Variants in CEP170 observed in about 807,000 individuals in gnomAD.
CEP170 encodes the protein centrosomal protein of 170 kDa.
CEP170 carries 21 observed loss-of-function variants against 151.9 expected under a neutral mutation model. That is an observed-to-expected ratio of 0.14 (90% CI 0.10 to 0.20). The LOEUF (loss-of-function observed/expected upper bound fraction) is 0.20, where lower values mean the gene tolerates loss of function less well. Among genes scored for constraint, CEP170 ranks in the 10% least tolerant of loss-of-function variants. The probability of loss-of-function intolerance (pLI) is 1.00; values close to 1 mark genes in which losing one functional copy is unlikely to be tolerated. For missense variants in CEP170, 964 were observed against 1,892.9 expected, an observed-to-expected ratio of 0.51 and a Z score of 9.11; for synonymous variants, 356 against 648.8, an observed-to-expected ratio of 0.55 and a Z score of 6.86.
intron 1 of CEP170, among the ~76,000 whole-genome samples, chr1:243,227,869 G>A (rs2149037559): frequency 6.6e-6 from 1 of 152,300 alleles, no homozygotes; most frequent in Non-Finnish European, 1.5e-5. Context: ...TAGAGAATGG[G>A]GCTTGGTCAT....
chr1:243,179,134 T>C (rs888869584), intron 10 of CEP170, among the ~76,000 whole-genome samples: 1 of 152,222 alleles, frequency 6.6e-6, no homozygotes, highest in Non-Finnish European at 1.5e-5. Flanking sequence ...CTTACATCCA[T>C]AATCTCTTCC....
rs765093944 is a variant in CEP170 at position 243,129,372 on chromosome 1, T to C, written c.4401A>G (p.Lys1467=). 2 of 1,591,888 alleles carry C rather than the reference T, an allele frequency of 1.3e-6. No individual in the cohort carries two copies. Among genetic ancestry groups the C allele is most frequent in the Non-Finnish European group, 1.7e-6 (2 of 1,168,528 alleles). The part of the protein sequence containing the change: ...LRAESEVPIV[K]TSSMEISSIL... ...AAAATTACTATACCATGCTTGAGGT[T>C]TTCACAATAGGGACTTCACTTTCGG... The change falls in exon 18 of 20, where the codon AAA becomes AAG. Residue 1467 remains lysine (K), a synonymous_variant. Coordinates refer to ENST00000366542, the MANE Select transcript of CEP170 (RefSeq NM_014812.3).
intron 3 of CEP170, among the ~76,000 whole-genome samples, chr1:243,215,939 G>A: frequency 6.6e-6 from 1 of 151,828 alleles, no homozygotes; most frequent in East Asian, 1.9e-4. Flanking sequence ...CAGACCAGCT[G>A]ACACTTAGGG....
At chr1:243,224,414 G>T (rs946451226) in intron 2 of CEP170, among the ~76,000 whole-genome samples, 3 of 151,384 alleles carry the variant, frequency 2.0e-5, no homozygotes, top group African/African-American at 7.3e-5. Context: ...AATTGTCTTG[G>T]GTCACACATA....
chr1:243,129,130 C>A (rs924522051), intron 18 of CEP170, among the ~76,000 whole-genome samples: 6 of 152,176 alleles, frequency 3.9e-5, no homozygotes, highest in Non-Finnish European at 7.3e-5. Flanking sequence ...ATTACAAGAA[C>A]AATCTATACT....
chr1:243,126,506 T>C lies in CEP170; in HGVS notation c.4698A>G (p.Ile1566Met). ...ENAESEADFSIHFNRFNPDGE... is the reference protein window; with the variant it reads ...ENAESEADFSMHFNRFNPDGE... The stretch of plus-strand genomic sequence containing the variant: ...CATCGGGGTTGAATCTATTGAAATG[T>C]ATACTGAAATCAGCCTCAGATTCAG... Residue 1566 changes from isoleucine (I) to methionine (M), a missense_variant, in exon 20 of 20, where the codon ATA becomes ATG. Transcript: ENST00000366542. 6.2e-7 allele frequency: 1 copy of C among 1,608,586 alleles called. No individual in the cohort carries two copies. Among genetic ancestry groups the C allele is most frequent in the Non-Finnish European group, 8.5e-7 (1 of 1,177,048 alleles).
At chr1:243,172,964 T>G in intron 10 of CEP170, 118 bp from the exon 11 acceptor site, 1 of 1,203,642 alleles carries the variant, frequency 8.3e-7, no homozygotes, top group Non-Finnish European at 1.1e-6. Flanking sequence ...TTTTAATAGT[T>G]AATTTCAAAA....
chr1:243,211,766 C>T (rs1331102917), intron 4 of CEP170, 120 bp downstream of exon 4: 2 of 1,142,098 alleles, frequency 1.8e-6, no homozygotes, highest in South Asian at 1.4e-5. Flanking sequence ...TAGGAATGCA[C>T]CCAATAAATA....
In CEP170 at chr1:243,157,202, C is replaced by G. The variant is rs564523607; in HGVS notation, c.3677-747G>C. Among the ~76,000 whole-genome samples the G allele has an allele frequency of 9.2e-5, 14 of 152,264 alleles. No individual in the cohort carries two copies. The East Asian group carries it at 2.7e-3, about 29-fold the overall frequency. ...GTCACAACCATTGACACTGAAGGCA[C>G]AGGAGATACTGTGAAGAGTCACATT... is the stretch of plus-strand genomic sequence containing the variant. On this transcript the variant is annotated intron_variant, in intron 13 of 19. Coordinates refer to ENST00000366542, the MANE Select transcript of CEP170 (RefSeq NM_014812.3).
chr1:243,228,683 G>A (rs1485635812), intron 1 of CEP170, among the ~76,000 whole-genome samples: 1 of 152,088 alleles, frequency 6.6e-6, no homozygotes, highest in Non-Finnish European at 1.5e-5. Flanking sequence ...CCTACATACA[G>A]TAAACTAAAA....
intron 1 of CEP170, among the ~76,000 whole-genome samples, chr1:243,232,807 T>C (rs1444014115): frequency 6.6e-6 from 1 of 152,176 alleles, no homozygotes; most frequent in Non-Finnish European, 1.5e-5. Flanking sequence ...ACTCCAGACA[T>C]GGATGGTGAC....
intron 3 of CEP170, among the ~76,000 whole-genome samples, chr1:243,217,800 T>C (rs534114171): frequency 6.6e-6 from 1 of 152,274 alleles, no homozygotes; most frequent in South Asian, 2.1e-4. Flanking sequence ...ACACACCAGG[T>C]AGAGACCTGG....
chr1:243,217,626 A>G (rs1441341555), intron 3 of CEP170, among the ~76,000 whole-genome samples: 1 of 152,246 alleles, frequency 6.6e-6, no homozygotes, highest in Non-Finnish European at 1.5e-5. Context: ...AAAAAATGCA[A>G]GTGAAAACAT....
intron 1 of CEP170, among the ~76,000 whole-genome samples, chr1:243,246,697 C>T (rs1424532719): frequency 6.6e-6 from 1 of 152,106 alleles, no homozygotes; most frequent in Non-Finnish European, 1.5e-5. Flanking sequence ...GAATACATAA[C>T]AGGGTTACTG....
intron 3 of CEP170, among the ~76,000 whole-genome samples, chr1:243,212,673 A>G (rs1161389771): frequency 2.6e-5 from 3 of 117,568 alleles, no homozygotes; most frequent in Non-Finnish European, 5.3e-5. Flanking sequence ...CACATTTACT[A>G]TTATATTTTC....
In CEP170 at chr1:243,126,616, G is replaced by C. The variant is rs757957831; in HGVS notation, c.4588C>G (p.Pro1530Ala). Reference protein sequence around the residue: ...KSSPVNNHHSPGQTPTLGQPE... With the variant: ...KSSPVNNHHSAGQTPTLGQPE... ...TGGCCAAGTGTTGGTGTCTGACCCG[G>C]GCTGTGGTGGTTATTCACAGGGCTG... Residue 1530 changes from proline (P) to alanine (A), a missense_variant, in exon 20 of 20, where the codon CCG becomes GCG. Physicochemically the swap from Pro to Ala is conservative, Grantham distance 27. Transcript: ENST00000366542. 29 of 1,571,430 alleles carry C rather than the reference G, an allele frequency of 1.8e-5. No homozygotes were observed. Among genetic ancestry groups the C allele is most frequent in the Middle Eastern group, 3.3e-4 (2 of 6,028 alleles).
chr1:243,168,806 T>C (rs559286740), intron 12 of CEP170, among the ~76,000 whole-genome samples: 1 of 151,968 alleles, frequency 6.6e-6, no homozygotes, highest in East Asian at 1.9e-4. Flanking sequence ...TCATTTTGTT[T>C]AAAAAGCCTT....
chr1:243,186,445 C>A (rs557190965), intron 8 of CEP170, 23 bp from the exon 9 acceptor site: 2 of 1,565,438 alleles, frequency 1.3e-6, no homozygotes, highest in Admixed American at 2.1e-5. Flanking sequence ...AGAAAACACA[C>A]AATAGAGAAG....
intron 10 of CEP170, among the ~76,000 whole-genome samples, chr1:243,179,613 A>G (rs2789097): frequency 0.86 from 130,354 of 152,112 alleles, 55,990 homozygotes; most frequent in East Asian, 0.94. Context: ...TTGTGGGGGC[A>G]TGGTTGGATT....
Sources: allele counts gnomAD v4.1 joint callset (sites outside exome capture counted in the v4.1 genomes callset), GRCh38; gene constraint gnomAD v4.1.1; transcripts MANE v1.5; gene names NCBI Gene and HGNC (gene_info 2026-07-23, HGNC 2026-07-21).